IDE: variants seen among roughly 807,000 people sequenced by gnomAD.
IDE encodes insulin-degrading enzyme.
In IDE, 58 loss-of-function variants were observed where a neutral mutation model predicts 133.2. The ratio of observed to expected loss-of-function variants is 0.44; its 90% confidence interval spans 0.35 to 0.54. The LOEUF (loss-of-function observed/expected upper bound fraction) is 0.54. Among genes scored for constraint, IDE ranks in the 20% least tolerant of loss-of-function variants. The pLI is 0.00. For missense variants in IDE, 981 were observed against 1,234.0 expected, an observed-to-expected ratio of 0.79 and a Z score of 3.07; for synonymous variants, 396 against 421.3, an observed-to-expected ratio of 0.94 and a Z score of 0.73.
At chr10:92,543,474 C>T (rs1214713762) in intron 1 of IDE, among the ~76,000 whole-genome samples, 1 of 152,158 alleles carries the variant, frequency 6.6e-6, no homozygotes, top group Non-Finnish European at 1.5e-5. Flanking sequence ...AACAGGTACA[C>T]CTAACTTCAT....
At chr10:92,556,940 A>AAG (rs1343925571) in intron 1 of IDE, among the ~76,000 whole-genome samples, 7 of 150,666 alleles carry the variant, frequency 4.6e-5, no homozygotes. Flanking sequence ...AAAAAAAAAA[A>AAG]CTTATGCATA....
chr10:92,471,416 T>C (rs563252772), intron 17 of IDE, among the ~76,000 whole-genome samples: 7 of 152,336 alleles, frequency 4.6e-5, no homozygotes, highest in African/African-American at 1.7e-4. Flanking sequence ...TTATCCCCAC[T>C]TTAAAGATAG....
intron 5 of IDE, among the ~76,000 whole-genome samples, chr10:92,512,837 T>C (rs182748838): frequency 6.6e-6 from 1 of 152,318 alleles, no homozygotes; most frequent in East Asian, 1.9e-4. Context: ...AAAGTTACCA[T>C]AATTTCATGA....
At chr10:92,572,479 A>G (rs1267315178) in intron 1 of IDE, among the ~76,000 whole-genome samples, 1 of 152,192 alleles carries the variant, frequency 6.6e-6, no homozygotes, top group African/African-American at 2.4e-5. Flanking sequence ...GGCAGTAAAG[A>G]CTAAGTCCCA....
Position 92,504,877 on chromosome 10 carries a change from C to A in IDE, c.1347G>T (p.Val449=). The part of the protein sequence containing the change: ...GILHYYPLEE[V]LTAEYLLEEF... ...CTTCCAGTAAATATTCCGCTGTGAG[C>A]ACCTCTTCTAGGGGATAATACTTTT... is the stretch of plus-strand genomic sequence containing the variant. Residue 449 remains valine (V), a synonymous_variant, in exon 11 of 25, where the codon GTG becomes GTT. Coordinates refer to ENST00000265986, the MANE Select transcript of IDE (RefSeq NM_004969.4). 6.4e-7 allele frequency: 1 copy of A among 1,550,530 alleles called. No homozygotes were observed. The highest frequency in any genetic ancestry group is 8.8e-7 in the Non-Finnish European group (1 of 1,136,962).
rs561327337 is a variant in IDE, at chr10:92,508,310, T to C, written c.1061-105A>G. 2.8e-4 allele frequency: 240 copies of C among 860,390 alleles called. 3 individuals carry two copies. In the South Asian group the frequency reaches 3.6e-3, roughly 13 times the overall value. The allele number at this position is 860,390 out of a possible 1,614,324, so 53.3% of individuals were successfully genotyped here. A position where few individuals can be genotyped will look rare whatever the true frequency, so the allele number is the denominator to read the frequency against. On this transcript the variant is annotated intron_variant, in intron 7 of 24. Coordinates refer to ENST00000265986, the MANE Select transcript of IDE (RefSeq NM_004969.4). ...ACTGTATGTTCCTAAGATATCAGAA[T>C]GAACCTCTTGCGAAAAGATTGGGAA... is the stretch of plus-strand genomic sequence containing the variant.
rs1241147222 is a variant in IDE at position 92,504,818 on chromosome 10, T to C, written c.1406A>G (p.Asp469Gly). ...CCGGACATTTTCTGGTCTGAGTTTA[T>C]CGAGAACCATCTCTATTAAGTCAGG... ...FRPDLIEMVL[D>G]KLRPENVRVA... is the part of the protein sequence containing the mutation. Residue 469 changes from aspartate to glycine, a missense_variant, in exon 11 of 25, where the codon GAT becomes GGT. By Grantham distance (94) the Asp-to-Gly change is moderately conservative. Around this residue, in one of 2 missense-constraint regions of IDE, gnomAD observed 660 missense variants for 894.7 expected, o/e 0.74. Transcript: ENST00000265986. The C allele has an allele frequency of 1.3e-6, 2 of 1,592,400 alleles. No homozygotes were observed. The highest frequency in any genetic ancestry group is 2.7e-5 in the African/African-American group (2 of 74,172).
chr10:92,463,816 A>G lies in IDE; in HGVS notation c.2676T>C (p.Arg892=). The change falls in exon 21 of 25, where the codon CGT becomes CGC. Residue 892 remains arginine, a synonymous_variant. Transcript: ENST00000265986. The part of the protein sequence containing the change: ...FQKHIQALAI[R]RLDKPKKLSA... Reference sequence around the variant, plus strand: ...ATAGCTTCTTTGGTTTGTCTAGTCGACGAATTGCTAATGCCTGAATGTGTT... The same window carrying G: ...ATAGCTTCTTTGGTTTGTCTAGTCGGCGAATTGCTAATGCCTGAATGTGTT... 1 of 1,614,126 alleles carries G rather than the reference A, an allele frequency of 6.2e-7. No individual in the cohort carries two copies. Among genetic ancestry groups the G allele is most frequent in the Non-Finnish European group, 8.5e-7 (1 of 1,179,950 alleles).
chr10:92,461,025 T>G (rs899621225), intron 22 of IDE, among the ~76,000 whole-genome samples, 166 bp downstream of exon 22: 1 of 152,002 alleles, frequency 6.6e-6, no homozygotes, highest in African/African-American at 2.4e-5. Context: ...ATTTTTAGTA[T>G]AAATGGGGTT....
At chr10:92,472,319 G>A (rs889386525) in intron 17 of IDE, among the ~76,000 whole-genome samples, 1 of 152,076 alleles carries the variant, frequency 6.6e-6, no homozygotes, top group Non-Finnish European at 1.5e-5. Flanking sequence ...TTTGCTTTTT[G>A]ATCATTATAA....
chr10:92,535,909 G>A (rs774277986), intron 2 of IDE, among the ~76,000 whole-genome samples: 12 of 152,110 alleles, frequency 7.9e-5, no homozygotes, highest in Non-Finnish European at 1.2e-4. Context: ...GGTGGCGGGC[G>A]CCTATAATCC....
rs1344860766 is a variant in IDE at position 92,507,614 on chromosome 10, A to G, written c.1206T>C (p.Arg402=). ...LHMFQYIQKL[R]AEGPQEWVFQ... is the part of the protein sequence containing the mutation. ...AAACCCATTCTTGAGGTCCTTCTGC[A>G]CGTAACTTCTGAATGTATTGAAACA... The change falls in exon 9 of 25, where the codon CGT becomes CGC. Residue 402 remains arginine, a synonymous_variant. Coordinates refer to ENST00000265986, the MANE Select transcript of IDE (RefSeq NM_004969.4). The G allele has an allele frequency of 1.9e-6, 3 of 1,610,148 alleles. No homozygotes were observed. Among genetic ancestry groups the G allele is most frequent in the Non-Finnish European group, 2.6e-6 (3 of 1,176,356 alleles).
chr10:92,573,229 T>A, intron 1 of IDE: 3 of 968,220 alleles, frequency 3.1e-6, no homozygotes, highest in Non-Finnish European at 3.7e-6. Context: ...TGTGTCCTAA[T>A]CCTGGTTTTG....
intron 1 of IDE, among the ~76,000 whole-genome samples, chr10:92,551,114 T>C (rs958046797): frequency 9.8e-5 from 15 of 152,342 alleles, no homozygotes; most frequent in African/African-American, 3.1e-4. Context: ...GCTATGTTCA[T>C]AGCAGCAGTA....
chr10:92,531,613 T>TA, intron 4 of IDE, 135 bp downstream of exon 4: 1 of 335,290 alleles, frequency 3.0e-6, no homozygotes, highest in Non-Finnish European at 5.1e-6. Flanking sequence ...AATTGTAAAA[T>TA]ATGCCATGAA....
At chr10:92,522,244 T>C (rs953508662) in intron 4 of IDE, among the ~76,000 whole-genome samples, 13 of 152,212 alleles carry the variant, frequency 8.5e-5, no homozygotes, top group African/African-American at 3.1e-4. Flanking sequence ...TTTTCTATTC[T>C]ATTCCTTCCT....
rs558502644 is a variant in IDE, at chr10:92,483,027, G to A, written c.1739+228C>T. On this transcript the variant is annotated intron_variant, in intron 14 of 24. Coordinates refer to ENST00000265986, the MANE Select transcript of IDE (RefSeq NM_004969.4). ...ACTCTCCTGACCTCATGATCCGCCC[G>A]CCTCAGCCTCCCAAAGTGCTGGGAT... 6.9e-4 allele frequency among the ~76,000 whole-genome samples: 105 copies of A among 152,204 alleles called. 1 individual carries two copies. Among genetic ancestry groups the A allele is most frequent in the Middle Eastern group, 6.8e-3 (2 of 294 alleles).
chr10:92,524,367 A>AT lies in IDE; in HGVS notation c.661+7380_661+7381insA, dbSNP rs1442389716. Reference sequence around the variant, plus strand: ...TTATATATAATATATTTTATATTATAATATATATTATATATAATATATTTT... The same window carrying AT: ...TTATATATAATATATTTTATATTATATATATATATTATATATAATATATTTT... On this transcript the variant is annotated intron_variant, in intron 4 of 24. Coordinates refer to ENST00000265986, the MANE Select transcript of IDE (RefSeq NM_004969.4). 7.3e-4 allele frequency among the ~76,000 whole-genome samples: 25 copies of AT among 34,418 alleles called. 1 individual carries two copies. Among genetic ancestry groups the AT allele is most frequent in the African/African-American group, 9.3e-4 (7 of 7,538 alleles). 22.6% of individuals were successfully genotyped at this position (34,418 alleles called of 152,430 possible). A position where few individuals can be genotyped will look rare whatever the true frequency, so the allele number is the denominator to read the frequency against.
chr10:92,470,105 C>T (rs1027716678), intron 18 of IDE, 149 bp downstream of exon 18: 3 of 501,104 alleles, frequency 6.0e-6, no homozygotes, highest in Non-Finnish European at 1.1e-5. Context: ...TTCCCTGTGC[C>T]CTCTACCTTC....
Sources: gnomAD v4.1 joint callset for allele counts (sites outside exome capture counted in the v4.1 genomes callset) on GRCh38, gnomAD v4.1.1 for gene constraint, gnomAD v4.1.1 regional missense constraint, MANE v1.5 for transcripts, NCBI Gene and HGNC (gene_info 2026-07-23, HGNC 2026-07-21) for gene names.